TRAPPC13: variants seen among roughly 807,000 people sequenced by gnomAD.
TRAPPC13 encodes the protein trafficking protein particle complex subunit 13.
A neutral mutation model predicts 54.0 loss-of-function variants in TRAPPC13; 39 were observed. That is an observed-to-expected ratio of 0.72 (90% CI 0.56 to 0.94). The LOEUF is 0.94. Ranked by LOEUF, TRAPPC13 falls within the 40% of genes least tolerant of loss-of-function variation. The pLI, the probability that TRAPPC13 is intolerant of heterozygous loss-of-function variation, is 0.00. For synonymous variants in TRAPPC13, 148 were observed against 167.7 expected, an observed-to-expected ratio of 0.88 and a Z score of 0.91; for missense variants, 386 against 488.1, an observed-to-expected ratio of 0.79 and a Z score of 1.97.
At chr5:65,652,597 T>A (rs1444579930) in intron 7 of TRAPPC13, 52 bp downstream of exon 7, 3 of 1,308,088 alleles carry the variant, frequency 2.3e-6, no homozygotes, top group Non-Finnish European at 3.3e-6. Context: ...AGATCGTATT[T>A]GACTAAAAAT....
At chr5:65,652,810 C>T in intron 7 of TRAPPC13, 1 of 457,460 alleles carries the variant, frequency 2.2e-6, no homozygotes, top group South Asian at 2.3e-5. Flanking sequence ...TGATTGCCCT[C>T]TCATTCCATT....
chr5:65,640,801 T>C (rs1275907099), intron 4 of TRAPPC13, among the ~76,000 whole-genome samples: 1 of 152,226 alleles, frequency 6.6e-6, no homozygotes, highest in Non-Finnish European at 1.5e-5. Flanking sequence ...ATGCATGTTC[T>C]AAAACATGAT....
chr5:65,627,692 C>T (rs1287093380), intron 1 of TRAPPC13, among the ~76,000 whole-genome samples: 1 of 151,770 alleles, frequency 6.6e-6, no homozygotes, highest in Non-Finnish European at 1.5e-5. Flanking sequence ...GAGAATTTCT[C>T]AGTGCCATAT....
At chr5:65,644,459 C>T (rs903791840) in intron 4 of TRAPPC13, among the ~76,000 whole-genome samples, 17 of 152,280 alleles carry the variant, frequency 1.1e-4, no homozygotes, top group Admixed American at 2.6e-4. Flanking sequence ...TCCTCTTTGC[C>T]TTTTCAAATC....
chr5:65,647,276 G>C, intron 5 of TRAPPC13, 94 bp downstream of exon 5: 1 of 1,096,088 alleles, frequency 9.1e-7, no homozygotes, highest in Non-Finnish European at 1.3e-6. Flanking sequence ...TGAAGCATAG[G>C]AACCTACTTC....
At chr5:65,645,283 C>T (rs1756143863) in intron 4 of TRAPPC13, among the ~76,000 whole-genome samples, 1 of 151,126 alleles carries the variant, frequency 6.6e-6, no homozygotes, top group Non-Finnish European at 1.5e-5. Context: ...TTTTCTGTGC[C>T]TTGGTTTCAT....
rs1345913366 is a variant in TRAPPC13, at chr5:65,665,928, T to A, written c.*1317T>A. The A allele has an allele frequency of 6.6e-6, 1 of 152,602 alleles. No homozygotes were observed. Among genetic ancestry groups the A allele is most frequent in the Admixed American group, 6.5e-5 (1 of 15,274 alleles). 9.5% of individuals were successfully genotyped at this position (152,602 alleles called of 1,614,324 possible). A position where few individuals can be genotyped will look rare whatever the true frequency, so the allele number is the denominator to read the frequency against. ...GAGTGCATTAAATCAAATACAAAAATTGGTTTTTCAATGCATCATTATTTA... is the reference window on the plus strand; with the variant it reads ...GAGTGCATTAAATCAAATACAAAAAATGGTTTTTCAATGCATCATTATTTA... On this transcript the variant is annotated 3_prime_UTR_variant, in exon 13 of 13. Coordinates refer to ENST00000399438, the MANE Select transcript of TRAPPC13 (RefSeq NM_024941.4).
chr5:65,636,095 G>T, intron 3 of TRAPPC13, 52 bp downstream of exon 3: 8 of 1,181,798 alleles, frequency 6.8e-6, no homozygotes, highest in Non-Finnish European at 9.7e-6. Context: ...TACAAATTAT[G>T]TTTTCAAAAC....
intron 3 of TRAPPC13, 55 bp from the exon 4 acceptor site, chr5:65,637,641 A>G: frequency 8.7e-7 from 1 of 1,145,502 alleles, no homozygotes. Flanking sequence ...AAAAAAAAAA[A>G]AAAAGAAAAA....
intron 7 of TRAPPC13, among the ~76,000 whole-genome samples, chr5:65,653,915 G>A (rs897729287): frequency 3.9e-5 from 6 of 152,106 alleles, no homozygotes; most frequent in African/African-American, 1.4e-4. Flanking sequence ...TAGCTAGTCA[G>A]CATGGTGAGA....
chr5:65,627,131 C>CAAA (rs60169195), intron 1 of TRAPPC13, among the ~76,000 whole-genome samples: 912 of 32,558 alleles, frequency 0.028, 229 homozygotes, highest in African/African-American at 0.069. Context: ...GACCCTGTCT[C>CAAA]AAAAAAAAAA....
At chr5:65,649,443 C>G (rs998114704) in intron 5 of TRAPPC13, among the ~76,000 whole-genome samples, 7 of 152,156 alleles carry the variant, frequency 4.6e-5, no homozygotes, top group African/African-American at 1.7e-4. Context: ...TTCTTCCAAC[C>G]ACTAGCAGGG....
intron 7 of TRAPPC13, 90 bp downstream of exon 7, chr5:65,652,635 C>A: frequency 1.1e-6 from 1 of 930,028 alleles, no homozygotes; most frequent in Non-Finnish European, 1.8e-6. Flanking sequence ...AATACTGAAG[C>A]AAATCGCCAA....
chr5:65,647,868 A>G (rs1401448699), intron 5 of TRAPPC13, among the ~76,000 whole-genome samples: 1 of 152,102 alleles, frequency 6.6e-6, no homozygotes, highest in South Asian at 2.1e-4. Context: ...GAAGTATATA[A>G]TATTAGCTGT....
At chr5:65,635,815 T>G (rs1755724426) in intron 2 of TRAPPC13, 129 bp from the exon 3 acceptor site, 2 of 566,272 alleles carry the variant, frequency 3.5e-6, no homozygotes, top group Admixed American at 7.7e-5. Context: ...AATCTAGAAG[T>G]TAGACTTTTT....
chr5:65,628,106 A>G (rs1755334904), intron 1 of TRAPPC13, among the ~76,000 whole-genome samples: 1 of 152,196 alleles, frequency 6.6e-6, no homozygotes, highest in South Asian at 2.1e-4. Context: ...TAGCAAGCCT[A>G]ACTTGCAGAT....
chr5:65,652,340 T>TTTTC (rs1554129858), intron 6 of TRAPPC13, among the ~76,000 whole-genome samples, 161 bp from the exon 7 acceptor site: 2 of 2,964 alleles, frequency 6.7e-4, no homozygotes, highest in South Asian at 0.015. Context: ...TTTTCTTTTC[T>TTTTC]TTTTTTTTTT....
chr5:65,660,824 G>C lies in TRAPPC13; in HGVS notation c.824G>C (p.Gly275Ala), dbSNP rs1756824253. Reference protein sequence around the residue: ...AGIIKGVTVIGKLDIVWKTNL... With the variant: ...AGIIKGVTVIAKLDIVWKTNL... ...ATCATTAAGGGAGTAACAGTAATTG[G>C]AAAATTGGATATAGTATGGAAAACA... Residue 275 changes from glycine to alanine, a missense_variant, in exon 10 of 13, where the codon GGA becomes GCA. Transcript: ENST00000399438. The C allele has an allele frequency of 6.2e-7, 1 of 1,613,618 alleles. No individual in the cohort carries two copies. Among genetic ancestry groups the C allele is most frequent in the African/African-American group, 1.3e-5 (1 of 74,890 alleles).
intron 11 of TRAPPC13, 70 bp from the exon 12 acceptor site, chr5:65,664,167 G>A (rs1756943882): frequency 6.8e-7 from 1 of 1,479,388 alleles, no homozygotes; most frequent in Non-Finnish European, 9.2e-7. Flanking sequence ...ACTGTCACTA[G>A]TAGAAATATT....
Sources: gnomAD v4.1 joint callset for allele counts (sites outside exome capture counted in the v4.1 genomes callset) on GRCh38, gnomAD v4.1.1 for gene constraint, MANE v1.5 for transcripts, NCBI Gene and HGNC (gene_info 2026-07-23, HGNC 2026-07-21) for gene names.